The following TBP variants were observed in gnomAD, a reference collection of about 807,000 sequenced individuals.
The protein encoded by TBP is TATA-box binding protein.
TBP carries 12 observed loss-of-function variants against 46.2 expected under a neutral mutation model. The ratio of observed to expected loss-of-function variants is 0.26; its 90% CI spans 0.17 to 0.42. TBP has a LOEUF of 0.42. TBP is among the 10% of genes least tolerant of loss of function. TBP has a pLI of 1.00. For missense variants in TBP, 229 were observed against 403.1 expected, an observed-to-expected ratio of 0.57 and a Z score of 3.70; for synonymous variants, 157 against 148.3, an observed-to-expected ratio of 1.06 and a Z score of -0.42.
At chr6:170,571,343 G>C in intron 6 of TBP, 67 bp from the exon 7 acceptor site, 1 of 1,101,656 alleles carries the variant, frequency 9.1e-7, no homozygotes, top group African/African-American at 1.6e-5. Flanking sequence ...TCCTTGTACA[G>C]GTCCTCATTT....
At position 170,557,027 on chromosome 6, in the gene TBP, A is replaced by G; in HGVS notation, c.-3A>G. 1.2e-6 allele frequency: 2 copies of G among 1,614,032 alleles called. No homozygotes were observed. The highest frequency in any genetic ancestry group is 2.7e-5 in the African/African-American group (2 of 75,050). On this transcript the variant is annotated 5_prime_UTR_variant, in exon 2 of 8. Transcript: ENST00000392092. ...CTGGTTTGCCAAGAAGAAAGTGAAC[A>G]TCATGGATCAGAACAACAGCCTGCC...
intron 4 of TBP, among the ~76,000 whole-genome samples, chr6:170,566,359 T>TAAA (rs1779246474): frequency 2.6e-5 from 4 of 152,202 alleles, no homozygotes; most frequent in Non-Finnish European, 5.9e-5. Flanking sequence ...AAATAAAAGT[T>TAAA]AAAACTGTGT....
chr6:170,563,580 G>T (rs1312548296), intron 3 of TBP, among the ~76,000 whole-genome samples: 1 of 152,200 alleles, frequency 6.6e-6, no homozygotes, highest in Non-Finnish European at 1.5e-5. Context: ...AGATGATATG[G>T]AAATGAAAAC....
intron 4 of TBP, 41 bp from the exon 5 acceptor site, chr6:170,566,877 T>A: frequency 6.3e-7 from 1 of 1,590,738 alleles, no homozygotes; most frequent in Non-Finnish European, 8.6e-7. Flanking sequence ...CATTGAGCAG[T>A]TTGGCATGAC....
chr6:170,563,369 C>T (rs1322451247), intron 3 of TBP, among the ~76,000 whole-genome samples: 2 of 152,286 alleles, frequency 1.3e-5, no homozygotes, highest in African/African-American at 4.8e-5. Context: ...AGAACCCTCC[C>T]GGGTGGTAGT....
At chr6:170,568,809 C>CTTTTTTTTTTTTTTTTT (rs61619130) in intron 5 of TBP, among the ~76,000 whole-genome samples, 1 of 88,336 alleles carries the variant, frequency 1.1e-5, no homozygotes. Flanking sequence ...TTCTTTCTTT[C>CTTTTTTTTTTTTTTTTT]CTTTTCTTTT....
Position 170,564,649 on chromosome 6 carries a change from T to C in TBP, c.585+17T>C, listed in dbSNP as rs1192358221. On this transcript the variant is annotated intron_variant, in intron 4 of 7. Transcript: ENST00000392092. ...AATCCCAAGGTTAGATCTATTTTAATGTATTTCTTTTTTTTTTCTTTTTTG... is the reference window on the plus strand; with the variant it reads ...AATCCCAAGGTTAGATCTATTTTAACGTATTTCTTTTTTTTTTCTTTTTTG... 2 of 1,562,532 alleles carry C rather than the reference T, an allele frequency of 1.3e-6. No individual in the cohort carries two copies. Among genetic ancestry groups the C allele is most frequent in the Admixed American group, 1.9e-5 (1 of 53,766 alleles).
intron 3 of TBP, among the ~76,000 whole-genome samples, chr6:170,563,424 A>G (rs1403036615): frequency 6.6e-6 from 1 of 152,198 alleles, no homozygotes; most frequent in Non-Finnish European, 1.5e-5. Context: ...ATTAAGGTAA[A>G]TATTTAATTA....
intron 3 of TBP, among the ~76,000 whole-genome samples, chr6:170,563,130 A>C (rs1779179611): frequency 6.6e-6 from 1 of 152,192 alleles, no homozygotes; most frequent in African/African-American, 2.4e-5. Context: ...AAACAAAGTA[A>C]TTTTAGTGAT....
chr6:170,562,040 G>A lies in TBP; in HGVS notation c.304G>A (p.Val102Ile), dbSNP rs754217817. The A allele has an allele frequency of 2.5e-5, 41 of 1,613,250 alleles. No individual in the cohort carries two copies. The East Asian group carries it at 3.8e-4, about 15-fold the overall frequency. Residue 102 changes from valine to isoleucine, a missense_variant, in exon 3 of 8, where the codon GTT becomes ATT. By Grantham distance (29) the Val-to-Ile change is conservative. Coordinates refer to ENST00000392092, the MANE Select transcript of TBP (RefSeq NM_003194.5). Reference sequence around the variant, plus strand: ...GCAACAGGCAGTGGCAGCTGCAGCCGTTCAGCAGTCAACGTCCCAGCAGGC... The same window carrying A: ...GCAACAGGCAGTGGCAGCTGCAGCCATTCAGCAGTCAACGTCCCAGCAGGC... ...QQQQAVAAAA[V>I]QQSTSQQATQ... is the part of the protein sequence containing the mutation.
chr6:170,557,208 T>A, intron 2 of TBP, 125 bp downstream of exon 2: 1 of 908,534 alleles, frequency 1.1e-6, no homozygotes, highest in Non-Finnish European at 1.7e-6. Flanking sequence ...TTTTTAAGCC[T>A]TATTTTGTTG....
chr6:170,572,278 A>C lies in TBP; in HGVS notation c.*13A>C. ...GAAGACGACGTAATGGCTCTCATGTACCCTTGCCTCCCCCACCCCCTTCTT... is the reference window on the plus strand; with the variant it reads ...GAAGACGACGTAATGGCTCTCATGTCCCCTTGCCTCCCCCACCCCCTTCTT... On this transcript the variant is annotated 3_prime_UTR_variant, in exon 8 of 8. Coordinates refer to ENST00000392092, the MANE Select transcript of TBP (RefSeq NM_003194.5). 6.3e-7 allele frequency: 1 copy of C among 1,592,864 alleles called. No homozygotes were observed.
In TBP at chr6:170,569,608, C is replaced by G; in HGVS notation, c.678-4C>G. ...TGAATAACTCACTTTTTTCCTTTCC[C>G]TAGTGAAGAACAGTCCAGACTGGCA... On this transcript the variant is annotated splice_region_variant and splice_polypyrimidine_tract_variant and intron_variant, in intron 5 of 7. Transcript: ENST00000392092. The G allele has an allele frequency of 6.2e-7, 1 of 1,607,418 alleles. No homozygotes were observed. The highest frequency in any genetic ancestry group is 8.5e-7 in the Non-Finnish European group (1 of 1,177,816).
chr6:170,568,182 T>A (rs1168874034), intron 5 of TBP, among the ~76,000 whole-genome samples: 1 of 152,108 alleles, frequency 6.6e-6, no homozygotes, highest in Admixed American at 6.6e-5. Context: ...ATTAAGAGCG[T>A]TTTTGTTTGC....
In TBP at chr6:170,572,330, T is replaced by A; in HGVS notation, c.*65T>A. ...TTTTTTTTTTAAACAAATCAGTTTG[T>A]TTTGGTACCTTTAAATGGTGGTGTT... is the stretch of plus-strand genomic sequence containing the variant. On this transcript the variant is annotated 3_prime_UTR_variant, in exon 8 of 8. Coordinates refer to ENST00000392092, the MANE Select transcript of TBP (RefSeq NM_003194.5). 2 of 1,298,536 alleles carry A rather than the reference T, an allele frequency of 1.5e-6. No individual in the cohort carries two copies. Among genetic ancestry groups the A allele is most frequent in the Non-Finnish European group, 2.2e-6 (2 of 910,004 alleles). The allele number at this position is 1,298,536 out of a possible 1,614,324, so 80.4% of individuals were successfully genotyped here.
intron 2 of TBP, among the ~76,000 whole-genome samples, chr6:170,560,167 A>G (rs901855071): frequency 6.6e-6 from 1 of 152,224 alleles, no homozygotes; most frequent in Non-Finnish European, 1.5e-5. Flanking sequence ...TCTTCAGCCC[A>G]TGGATCAAGG....
intron 3 of TBP, 39 bp from the exon 4 acceptor site, chr6:170,564,506 A>G (rs746997126): frequency 2.1e-6 from 3 of 1,423,976 alleles, no homozygotes; most frequent in African/African-American, 1.4e-5. Context: ...AAACTTAAGT[A>G]ATTTAAATAG....
chr6:170,555,670 T>G (rs73256666), intron 1 of TBP, among the ~76,000 whole-genome samples: 7,605 of 152,264 alleles, frequency 0.05, 627 homozygotes, highest in African/African-American at 0.17. Context: ...TAGTCTATAT[T>G]GTCTTCTCTT....
intron 3 of TBP, among the ~76,000 whole-genome samples, chr6:170,562,953 G>T (rs570948371): frequency 6.6e-6 from 1 of 151,980 alleles, no homozygotes; most frequent in Non-Finnish European, 1.5e-5. Context: ...TTTAGATCTA[G>T]TATTTCCTAT....
Sources: allele counts gnomAD v4.1 joint callset (sites outside exome capture counted in the v4.1 genomes callset), GRCh38; gene constraint gnomAD v4.1.1; transcripts MANE v1.5; gene names NCBI Gene and HGNC (gene_info 2026-07-23, HGNC 2026-07-21).